NPTXR: variants seen among roughly 807,000 people sequenced by gnomAD.
The protein encoded by NPTXR is neuronal pentraxin receptor.
Under a neutral mutation model 32.2 loss-of-function variants are expected in NPTXR, and 12 were observed. That is an observed-to-expected ratio of 0.37 (90% CI 0.24 to 0.60). The LOEUF (loss-of-function observed/expected upper bound fraction) is 0.60, where lower values mean the gene tolerates loss of function less well. Among genes scored for constraint, NPTXR ranks in the 20% least tolerant of loss-of-function variants. The pLI, the probability that NPTXR is intolerant of heterozygous loss-of-function variation, is 0.66. For missense variants in NPTXR, 612 were observed against 682.9 expected (o/e 0.90, Z 1.16); for synonymous variants, 323 against 315.8 (o/e 1.02, Z -0.24).
chr22:38,838,963 C>T (rs1190952739), intron 1 of NPTXR, among the ~76,000 whole-genome samples: 1 of 152,158 alleles, frequency 6.6e-6, no homozygotes, highest in Non-Finnish European at 1.5e-5. Context: ...AGAACGAGGG[C>T]TCTACAGCCA....
intron 2 of NPTXR, among the ~76,000 whole-genome samples, chr22:38,827,261 T>C (rs1224768048): frequency 4.9e-5 from 1 of 20,586 alleles, no homozygotes; most frequent in Non-Finnish European, 9.3e-5. Flanking sequence ...TTTTTCTTTC[T>C]TTTTTTTTTT....
intron 4 of NPTXR, 37 bp downstream of exon 4, chr22:38,823,046 T>A (rs757104226): frequency 1.7e-5 from 28 of 1,610,394 alleles, no homozygotes; most frequent in Non-Finnish European, 2.3e-5. Flanking sequence ...ATCTGCACAA[T>A]TAGGAGGTCC....
At chr22:38,830,697 G>T (rs2093114728) in intron 1 of NPTXR, among the ~76,000 whole-genome samples, 1 of 152,146 alleles carries the variant, frequency 6.6e-6, no homozygotes, top group Admixed American at 6.5e-5. Context: ...AGGGCAGGGG[G>T]TCTGGTGCCA....
chr22:38,826,404 G>T, intron 3 of NPTXR, 96 bp downstream of exon 3: 1 of 1,391,962 alleles, frequency 7.2e-7, no homozygotes, highest in South Asian at 1.3e-5. Flanking sequence ...TGCAGAGCAG[G>T]AGAATGAGCA....
Position 38,826,727 on chromosome 22 carries a change from G to C in NPTXR, c.871C>G (p.Pro291Ala), listed in dbSNP as rs2093107692. Residue 291 changes from proline (P) to alanine (A), a missense_variant, in exon 3 of 5, where the codon CCA becomes GCA. Coordinates refer to ENST00000333039, the MANE Select transcript of NPTXR (RefSeq NM_014293.4). Reference sequence around the variant, plus strand: ...GGGATGCTGATCTTGAAGGCATCTGGAGGACTGTAGGCTGAGGACCCTGAG... The same window carrying C: ...GGGATGCTGATCTTGAAGGCATCTGCAGGACTGTAGGCTGAGGACCCTGAG... 6.2e-7 allele frequency: 1 copy of C among 1,613,870 alleles called. No individual in the cohort carries two copies. Among genetic ancestry groups the C allele is most frequent in the African/African-American group, 1.3e-5 (1 of 74,944 alleles).
chr22:38,835,293 G>A (rs909122064), intron 1 of NPTXR, among the ~76,000 whole-genome samples: 5 of 152,188 alleles, frequency 3.3e-5, no homozygotes, highest in Non-Finnish European at 7.3e-5. Context: ...GGAAGTTTGG[G>A]GTCAGGAAGC....
chr22:38,836,051 A>G (rs1477076146), intron 1 of NPTXR, among the ~76,000 whole-genome samples: 1 of 152,172 alleles, frequency 6.6e-6, no homozygotes, highest in Non-Finnish European at 1.5e-5. Flanking sequence ...AAAGGTGCTC[A>G]ACGTCATGAA....
chr22:38,837,436 C>A (rs113547456), intron 1 of NPTXR, among the ~76,000 whole-genome samples: 7 of 152,240 alleles, frequency 4.6e-5, no homozygotes, highest in African/African-American at 1.7e-4. Flanking sequence ...GTCAGGGGAA[C>A]CAGTGCCCAC....
At position 38,822,660 on chromosome 22, in the gene NPTXR, C is replaced by T. The variant is rs765689362; in HGVS notation, c.1452G>A (p.Gly484=). Residue 484 remains glycine, a synonymous_variant, in exon 5 of 5, where the codon GGG becomes GGA. Transcript: ENST00000333039. ...CATCGAAGGCAGCCTTTGTTGCACC[C>T]CCAAAGGCCTCCACCAACTTGTCTT... 2 of 1,613,906 alleles carry T rather than the reference C, an allele frequency of 1.2e-6. No individual in the cohort carries two copies. The highest frequency in any genetic ancestry group is 2.7e-5 in the African/African-American group (2 of 74,920).
Position 38,843,464 on chromosome 22 carries a change from T to C in NPTXR, c.395A>G (p.Gln132Arg), listed in dbSNP as rs1380076130. 4 of 1,334,606 alleles carry C rather than the reference T, an allele frequency of 3.0e-6. No individual in the cohort carries two copies. Among genetic ancestry groups the C allele is most frequent in the East Asian group, 6.2e-5 (2 of 32,174 alleles). The allele number at this position is 1,334,606 out of a possible 1,614,324, so 82.7% of individuals were successfully genotyped here. ...CTGCTGCAGCGCCGTCTGGCGCAGC[T>C]GCTCGGCCGTGCTCTGCAGCAGCAG... Residue 132 changes from glutamine to arginine, a missense_variant, in exon 1 of 5, where the codon CAG becomes CGG. Gln to Arg is a conservative substitution (Grantham distance 43, BLOSUM62 1). Transcript: ENST00000333039. This position sits in a 1 kb window ranked among gnomAD's most constrained non-coding sequence, Gnocchi z 5.3.
Position 38,823,078 on chromosome 22 carries a change from C to T in NPTXR, c.1278+5G>A. 1.2e-6 allele frequency: 2 copies of T among 1,614,102 alleles called. No individual in the cohort carries two copies. Among genetic ancestry groups the T allele is most frequent in the Non-Finnish European group, 1.7e-6 (2 of 1,179,982 alleles). The stretch of plus-strand genomic sequence containing the variant: ...GTCCAGCCCCAATATCAGCCTGAGC[C>T]TTACCTGCTCCTGGCCCAAGATAAG... On this transcript the variant is annotated splice_donor_5th_base_variant and intron_variant, in intron 4 of 4. Coordinates refer to ENST00000333039, the MANE Select transcript of NPTXR (RefSeq NM_014293.4).
Position 38,820,896 on chromosome 22 carries a change from ATTAT to A in NPTXR, c.*1709_*1712del, listed in dbSNP as rs2093095933. On this transcript the variant is annotated 3_prime_UTR_variant, in exon 5 of 5. Transcript: ENST00000333039. ...TGGGGTGGCTTTTCTCATCTTTAAG[ATTAT>A]TATTATTTTTTTGAGATGGAGTCTT... is the stretch of plus-strand genomic sequence containing the variant. 6.6e-6 allele frequency: 1 copy of A among 151,928 alleles called. No individual in the cohort carries two copies. The highest frequency in any genetic ancestry group is 2.1e-4 in the South Asian group (1 of 4,824). The allele number at this position is 151,928 out of a possible 1,614,324, so 9.4% of individuals were successfully genotyped here.
intron 1 of NPTXR, among the ~76,000 whole-genome samples, chr22:38,836,100 C>A (rs1414389036): frequency 6.6e-6 from 1 of 152,078 alleles, no homozygotes; most frequent in Non-Finnish European, 1.5e-5. Flanking sequence ...AGTGAGTGCA[C>A]TACACGCCCA....
intron 3 of NPTXR, among the ~76,000 whole-genome samples, chr22:38,824,841 G>A (rs16999470): frequency 0.016 from 2,417 of 152,250 alleles, 63 homozygotes; most frequent in African/African-American, 0.054. Flanking sequence ...TGGGCCACAA[G>A]GGAAAGTCAC....
rs5757300 is a variant in NPTXR at position 38,828,243 on chromosome 22, T to C, written c.850+44A>G. 909,168 of 1,518,270 alleles carry C rather than the reference T, an allele frequency of 0.6. 277,630 individuals are homozygous for C. The highest frequency in any genetic ancestry group is 0.84 in the African/African-American group (61,221 of 73,200). 94.0% of individuals were successfully genotyped at this position (1,518,270 alleles called of 1,614,324 possible). ...ATATATTTTTTGAATGGCTCTGTCA[T>C]CCTGAGGACCCCTCCAATGCCCTCT... On this transcript the variant is annotated intron_variant, in intron 2 of 4. Coordinates refer to ENST00000333039, the MANE Select transcript of NPTXR (RefSeq NM_014293.4).
chr22:38,830,231 T>A (rs1415725443), intron 1 of NPTXR, among the ~76,000 whole-genome samples: 1 of 152,046 alleles, frequency 6.6e-6, no homozygotes, highest in Non-Finnish European at 1.5e-5. Context: ...CCGAGATCAT[T>A]TTTCCCCTTC....
At chr22:38,833,847 T>C (rs192438155) in intron 1 of NPTXR, among the ~76,000 whole-genome samples, 1 of 152,172 alleles carries the variant, frequency 6.6e-6, no homozygotes, top group African/African-American at 2.4e-5. Flanking sequence ...CAGCTAATTT[T>C]TTGTATTTTT....
Position 38,834,138 on chromosome 22 carries a change from G to A in NPTXR, c.625-5626C>T, listed in dbSNP as rs139921090. Among the ~76,000 whole-genome samples, 47 of 151,756 alleles carry A rather than the reference G, an allele frequency of 3.1e-4. No individual in the cohort carries two copies. Among genetic ancestry groups the A allele is most frequent in the African/African-American group, 1.1e-3 (46 of 41,330 alleles). The stretch of plus-strand genomic sequence containing the variant: ...ATGCTTGAATCTAAACCTGCGTCTC[G>A]CCCAGAGCTTCACTCAGCTCCTAGC... On this transcript the variant is annotated intron_variant, in intron 1 of 4. Coordinates refer to ENST00000333039, the MANE Select transcript of NPTXR (RefSeq NM_014293.4). This position sits in a 1 kb window ranked among gnomAD's most constrained non-coding sequence, Gnocchi z 4.4.
intron 1 of NPTXR, among the ~76,000 whole-genome samples, chr22:38,842,151 G>A (rs905461526): frequency 3.3e-5 from 5 of 152,164 alleles, no homozygotes; most frequent in African/African-American, 1.2e-4. Flanking sequence ...AAAAGCCCCG[G>A]GAGTAAGGGG....
Sources: gnomAD v4.1 joint callset for allele counts (sites outside exome capture counted in the v4.1 genomes callset) on GRCh38, gnomAD v4.1.1 for gene constraint, Gnocchi (gnomAD v3.1) non-coding constraint, MANE v1.5 for transcripts, NCBI Gene and HGNC (gene_info 2026-07-23, HGNC 2026-07-21) for gene names.